MAPK4: variants seen among roughly 807,000 people sequenced by gnomAD.
MAPK4 encodes the protein mitogen-activated protein kinase 4, also known as Erk3-related.
A neutral mutation model predicts 47.7 loss-of-function variants in MAPK4; 22 were observed. The ratio of observed to expected loss-of-function variants is 0.46; its 90% confidence interval spans 0.33 to 0.66. The LOEUF (loss-of-function observed/expected upper bound fraction) is 0.66. Among genes scored for constraint, MAPK4 ranks in the 30% least tolerant of loss-of-function variants. The pLI, the probability that MAPK4 is intolerant of heterozygous loss-of-function variation, is 0.02. For missense variants in MAPK4, 736 were observed against 831.7 expected (o/e 0.88, Z 1.42); for synonymous variants, 390 against 365.7 (o/e 1.07, Z -0.76).
At chr18:50,727,897 T>C (rs993216764) in intron 5 of MAPK4, among the ~76,000 whole-genome samples, 1 of 152,220 alleles carries the variant, frequency 6.6e-6, no homozygotes. Flanking sequence ...AGATAATGTA[T>C]GTTTGGCACT....
chr18:50,718,759 A>G (rs769096194), intron 3 of MAPK4, among the ~76,000 whole-genome samples: 1 of 152,162 alleles, frequency 6.6e-6, no homozygotes, highest in Non-Finnish European at 1.5e-5. Context: ...AATATTAATT[A>G]TATGTTAATG....
chr18:50,559,841 C>T (rs1277773416), upstream of MAPK4, among the ~76,000 whole-genome samples: 3 of 151,616 alleles, frequency 2.0e-5, no homozygotes, highest in African/African-American at 7.3e-5. Context: ...CTCGGCTCCC[C>T]AGGTGAGCTC....
At chr18:50,633,391 G>A (rs2042850465) in intron 1 of MAPK4, among the ~76,000 whole-genome samples, 2 of 152,228 alleles carry the variant, frequency 1.3e-5, no homozygotes, top group Non-Finnish European at 2.9e-5. Flanking sequence ...GCCCTGGCCT[G>A]TTGTGGCAGA....
chr18:50,583,455 G>A (rs939407989), intron 1 of MAPK4, among the ~76,000 whole-genome samples: 1 of 152,144 alleles, frequency 6.6e-6, no homozygotes, highest in African/African-American at 2.4e-5. Context: ...CAGGCATGGT[G>A]GTGTGCACCT....
chr18:50,628,059 C>T (rs1421520074), intron 1 of MAPK4, among the ~76,000 whole-genome samples: 1 of 152,150 alleles, frequency 6.6e-6, no homozygotes, highest in Non-Finnish European at 1.5e-5. Context: ...CTGACACTGG[C>T]TCCGAGGTAG....
chr18:50,665,602 A>C (rs1311503189), intron 2 of MAPK4, among the ~76,000 whole-genome samples: 1 of 152,240 alleles, frequency 6.6e-6, no homozygotes, highest in East Asian at 1.9e-4. Flanking sequence ...GCACCCCCAC[A>C]TAGAAGGGCA....
chr18:50,662,749 G>A (rs1907349621), intron 1 of MAPK4, among the ~76,000 whole-genome samples: 1 of 152,250 alleles, frequency 6.6e-6, no homozygotes, highest in African/African-American at 2.4e-5. Flanking sequence ...GCTGATGTGT[G>A]TGTTTGGAGA....
chr18:50,566,739 CT>C (rs1223695516), intron 1 of MAPK4, among the ~76,000 whole-genome samples: 1 of 152,092 alleles, frequency 6.6e-6, no homozygotes, highest in African/African-American at 2.4e-5. Flanking sequence ...TCCTTTATTG[CT>C]TTTTTTGTAT....
intron 2 of MAPK4, among the ~76,000 whole-genome samples, chr18:50,690,553 C>T (rs1232583402): frequency 6.6e-6 from 1 of 152,134 alleles, no homozygotes; most frequent in African/African-American, 2.4e-5. Context: ...TTAAAAAGCT[C>T]TTTTAACACT....
At chr18:50,614,344 C>T (rs1221930891) in intron 1 of MAPK4, among the ~76,000 whole-genome samples, 1 of 151,880 alleles carries the variant, frequency 6.6e-6, no homozygotes, top group Non-Finnish European at 1.5e-5. Flanking sequence ...AAAATTAAAA[C>T]ATTCTAAATT....
intron 1 of MAPK4, among the ~76,000 whole-genome samples, chr18:50,619,512 A>G (rs2042712870): frequency 6.6e-6 from 1 of 151,916 alleles, no homozygotes; most frequent in Admixed American, 6.6e-5. Context: ...TTTTTTTAAT[A>G]GAGACAGGGT....
chr18:50,596,103 G>A (rs571635377), intron 1 of MAPK4, among the ~76,000 whole-genome samples: 5 of 152,236 alleles, frequency 3.3e-5, no homozygotes, highest in African/African-American at 1.2e-4. Flanking sequence ...AGCTTTTCTA[G>A]GGCTTCACAC....
chr18:50,582,731 G>T (rs536627656), intron 1 of MAPK4, among the ~76,000 whole-genome samples: 1 of 152,214 alleles, frequency 6.6e-6, no homozygotes. Flanking sequence ...TCCCATGCCC[G>T]CTACAGTTCT....
intron 1 of MAPK4, among the ~76,000 whole-genome samples, chr18:50,568,195 CAAAA>C (rs760481992): frequency 2.2e-5 from 2 of 92,348 alleles, no homozygotes; most frequent in African/African-American, 4.1e-5. Flanking sequence ...GACGCTGTCC[CAAAA>C]AAAAAAAAAA....
chr18:50,588,889 T>C (rs1439675389), intron 1 of MAPK4, among the ~76,000 whole-genome samples: 1 of 152,184 alleles, frequency 6.6e-6, no homozygotes. Flanking sequence ...AGGGGAGATG[T>C]GAACATACGG....
chr18:50,573,914 T>C (rs913699523), intron 1 of MAPK4, among the ~76,000 whole-genome samples: 2 of 152,206 alleles, frequency 1.3e-5, no homozygotes, highest in Admixed American at 6.5e-5. Flanking sequence ...CAGTATTATA[T>C]GATTTCCATT....
chr18:50,569,835 C>T (rs576996433), intron 1 of MAPK4, among the ~76,000 whole-genome samples: 4 of 152,340 alleles, frequency 2.6e-5, no homozygotes, highest in African/African-American at 7.2e-5. Context: ...GCCGTCAATA[C>T]GCTGCTCAGC....
intron 1 of MAPK4, among the ~76,000 whole-genome samples, chr18:50,609,815 T>G (rs1258510834): frequency 6.6e-6 from 1 of 152,114 alleles, no homozygotes; most frequent in Non-Finnish European, 1.5e-5. Flanking sequence ...CTGTACTCTC[T>G]TTGGTCATAT....
At chr18:50,561,171 G>A (rs1019999378) in intron 1 of MAPK4, among the ~76,000 whole-genome samples, 19 of 152,228 alleles carry the variant, frequency 1.2e-4, no homozygotes, top group African/African-American at 4.6e-4. Flanking sequence ...CAGCGGCCGC[G>A]TACTGTCACG....
Sources: gnomAD v4.1 joint callset for allele counts (sites outside exome capture counted in the v4.1 genomes callset) on GRCh38, gnomAD v4.1.1 for gene constraint, MANE v1.5 for transcripts, NCBI Gene and HGNC (gene_info 2026-07-23, HGNC 2026-07-21) for gene names.